The following JAM2 variants were observed in gnomAD, a reference collection of about 807,000 sequenced individuals.
The protein encoded by JAM2 is junctional adhesion molecule 2.
A neutral mutation model predicts 42.0 loss-of-function variants in JAM2; 17 were observed. That is an observed-to-expected ratio of 0.40 (90% CI 0.28 to 0.61). JAM2 has a LOEUF of 0.61. Ranked by LOEUF, JAM2 falls within the 20% of genes least tolerant of loss-of-function variation. The pLI, the probability that JAM2 is intolerant of heterozygous loss-of-function variation, is 0.37. For missense variants in JAM2, 319 were observed against 358.3 expected, an observed-to-expected ratio of 0.89 and a Z score of 0.89; for synonymous variants, 118 against 128.6, an observed-to-expected ratio of 0.92 and a Z score of 0.56.
chr21:25,712,087 C>A, intron 8 of JAM2: 1 of 421,204 alleles, frequency 2.4e-6, no homozygotes, highest in Admixed American at 4.1e-5. Flanking sequence ...CCACAAAAAT[C>A]TTTAGTATAC....
At chr21:25,690,618 A>T (rs1179724145) in intron 3 of JAM2, among the ~76,000 whole-genome samples, 3 of 152,092 alleles carry the variant, frequency 2.0e-5, no homozygotes, top group Non-Finnish European at 4.4e-5. Context: ...AAAGTACTGG[A>T]ATTACAGGTG....
intron 5 of JAM2, among the ~76,000 whole-genome samples, chr21:25,701,549 A>G (rs749537725): frequency 5.3e-5 from 8 of 152,106 alleles, no homozygotes; most frequent in African/African-American, 1.2e-4. Context: ...GAAGTCTATT[A>G]TATCAATCTT....
intron 5 of JAM2, among the ~76,000 whole-genome samples, chr21:25,700,316 C>CAA (rs56985627): frequency 6.8e-4 from 100 of 147,036 alleles, no homozygotes; most frequent in Admixed American, 1.2e-3. Flanking sequence ...CAGCGATTAT[C>CAA]AAAAAAAAAA....
chr21:25,679,401 GGT>G (rs2033575690), intron 1 of JAM2, among the ~76,000 whole-genome samples: 1 of 152,118 alleles, frequency 6.6e-6, no homozygotes, highest in Non-Finnish European at 1.5e-5. Flanking sequence ...TGTTCAAACT[GGT>G]CTAAGTCTAG....
chr21:25,683,271 G>A (rs1398108891), intron 1 of JAM2, among the ~76,000 whole-genome samples: 1 of 152,102 alleles, frequency 6.6e-6, no homozygotes, highest in Admixed American at 6.5e-5. Context: ...TCACAGTAGT[G>A]GTAGCCACCA....
chr21:25,704,661 T>G (rs2034235283), intron 6 of JAM2, among the ~76,000 whole-genome samples: 1 of 152,226 alleles, frequency 6.6e-6, no homozygotes, highest in Non-Finnish European at 1.5e-5. Flanking sequence ...ACATGGGAAG[T>G]ATCTAAATGG....
chr21:25,681,301 T>A (rs1264292437), intron 1 of JAM2, among the ~76,000 whole-genome samples: 1 of 152,128 alleles, frequency 6.6e-6, no homozygotes, highest in African/African-American at 2.4e-5. Context: ...GGGTACTTCA[T>A]AAAGGAAAGA....
rs56256482 is a variant in JAM2, at chr21:25,709,413, T to G, written c.806-21T>G. On this transcript the variant is annotated intron_variant, in intron 7 of 9. Coordinates refer to ENST00000480456, the MANE Select transcript of JAM2 (RefSeq NM_021219.4). ...ACCATAATAACCCTTGCATTAATGATATATACTTTTTCTTTTGTAGAAGAA... is the reference window on the plus strand; with the variant it reads ...ACCATAATAACCCTTGCATTAATGAGATATACTTTTTCTTTTGTAGAAGAA... 4.5e-3 allele frequency: 5,879 copies of G among 1,309,678 alleles called. 213 individuals are homozygous for G. The African/African-American group carries it at 0.074, about 16-fold the overall frequency. The allele number at this position is 1,309,678 out of a possible 1,614,324, so 81.1% of individuals were successfully genotyped here. A position where few individuals can be genotyped will look rare whatever the true frequency, so the allele number is the denominator to read the frequency against.
At chr21:25,667,404 A>G (rs964808011) in intron 1 of JAM2, among the ~76,000 whole-genome samples, 1 of 152,234 alleles carries the variant, frequency 6.6e-6, no homozygotes, top group African/African-American at 2.4e-5. Flanking sequence ...TCACGTCGGC[A>G]TTTTATCTCT....
chr21:25,678,283 C>T (rs887032187), intron 1 of JAM2, among the ~76,000 whole-genome samples: 5 of 151,998 alleles, frequency 3.3e-5, no homozygotes, highest in African/African-American at 1.2e-4. Flanking sequence ...AGGTAGGTCC[C>T]GTCTTCCCTA....
Position 25,648,750 on chromosome 21 carries a change from G to T in JAM2, c.67+8862G>T, listed in dbSNP as rs73159764. Among the ~76,000 whole-genome samples, 3 of 152,176 alleles carry T rather than the reference G, an allele frequency of 2.0e-5. No homozygotes were observed. The South Asian group carries it at 6.2e-4, about 32-fold the overall frequency. On this transcript the variant is annotated intron_variant, in intron 1 of 9. Transcript: ENST00000480456. Reference sequence around the variant, plus strand: ...AGCTGTACTGTTACAATTTTTCCATGTATATCTCTCTGTATTGTGAGCTTG... The same window carrying T: ...AGCTGTACTGTTACAATTTTTCCATTTATATCTCTCTGTATTGTGAGCTTG...
chr21:25,641,904 T>C (rs951665346), intron 1 of JAM2, among the ~76,000 whole-genome samples: 4 of 152,322 alleles, frequency 2.6e-5, no homozygotes, highest in Non-Finnish European at 5.9e-5. Flanking sequence ...TCTGGTCAAG[T>C]ATCTGGTAGA....
chr21:25,682,386 A>G (rs1312734023), intron 1 of JAM2, among the ~76,000 whole-genome samples: 1 of 152,210 alleles, frequency 6.6e-6, no homozygotes, highest in African/African-American at 2.4e-5. Context: ...ACACCAGGTT[A>G]TTTTGAATAT....
At chr21:25,667,303 G>A (rs1264600190) in intron 1 of JAM2, among the ~76,000 whole-genome samples, 1 of 152,198 alleles carries the variant, frequency 6.6e-6, no homozygotes, top group Non-Finnish European at 1.5e-5. Flanking sequence ...ATCACTTGAA[G>A]CAGATGATTC....
At chr21:25,714,171 A>T (rs557294456) in intron 9 of JAM2, 1 of 1,301,458 alleles carries the variant, frequency 7.7e-7, no homozygotes, top group South Asian at 1.2e-5. Flanking sequence ...GTCTGCTAGG[A>T]GTTAGTTAGT....
chr21:25,642,371 A>G (rs2032470683), intron 1 of JAM2, among the ~76,000 whole-genome samples: 1 of 152,082 alleles, frequency 6.6e-6, no homozygotes, highest in Non-Finnish European at 1.5e-5. Context: ...TTTGTTTTAT[A>G]CTTTGGGTTA....
intron 1 of JAM2, among the ~76,000 whole-genome samples, chr21:25,646,295 A>C (rs1022980807): frequency 1.3e-5 from 2 of 152,210 alleles, no homozygotes; most frequent in Non-Finnish European, 2.9e-5. Flanking sequence ...TTTTTAAGGA[A>C]AAAATTTTTT....
At chr21:25,701,701 CT>C (rs1172186663) in intron 5 of JAM2, among the ~76,000 whole-genome samples, 1 of 152,182 alleles carries the variant, frequency 6.6e-6, no homozygotes, top group Non-Finnish European at 1.5e-5. Flanking sequence ...AAGCTACTTC[CT>C]GGTAGTAACT....
intron 1 of JAM2, among the ~76,000 whole-genome samples, chr21:25,680,332 G>A (rs914425607): frequency 1.3e-5 from 2 of 152,120 alleles, no homozygotes; most frequent in Non-Finnish European, 2.9e-5. Flanking sequence ...AGCACTTTGT[G>A]GCATAAAGGT....
Sources: gnomAD v4.1 joint callset for allele counts (sites outside exome capture counted in the v4.1 genomes callset) on GRCh38, gnomAD v4.1.1 for gene constraint, MANE v1.5 for transcripts, NCBI Gene and HGNC (gene_info 2026-07-23, HGNC 2026-07-21) for gene names.